TMEM132B: variants seen among roughly 807,000 people sequenced by gnomAD.
TMEM132B encodes transmembrane protein 132B.
A neutral mutation model predicts 90.8 loss-of-function variants in TMEM132B; 18 were observed. The observed-to-expected ratio is 0.20, with a 90% confidence interval of 0.14 to 0.29. The LOEUF (loss-of-function observed/expected upper bound fraction) is 0.29, where lower values mean the gene tolerates loss of function less well. Ranked by LOEUF, TMEM132B falls within the 10% of genes least tolerant of loss-of-function variation. The pLI is 1.00. For missense variants in TMEM132B, 1,096 were observed against 1,326.8 expected (o/e 0.83, Z 2.70); for synonymous variants, 504 against 523.3 (o/e 0.96, Z 0.50).
chr12:125,262,840 G>A (rs1405799761), intron 1 of TMEM132B, among the ~76,000 whole-genome samples: 1 of 152,180 alleles, frequency 6.6e-6, no homozygotes, highest in Non-Finnish European at 1.5e-5. Context: ...ATCCCTGCAG[G>A]CATTTGACTT....
chr12:125,207,176 C>G (rs979192210), intron 1 of TMEM132B, among the ~76,000 whole-genome samples: 3 of 152,214 alleles, frequency 2.0e-5, no homozygotes, highest in Non-Finnish European at 4.4e-5. Context: ...ATATGAAAAT[C>G]TGGATTTTTG....
chr12:125,491,117 C>T (rs1050919079), intron 3 of TMEM132B, among the ~76,000 whole-genome samples: 1 of 152,188 alleles, frequency 6.6e-6, no homozygotes, highest in South Asian at 2.1e-4. Flanking sequence ...GAGAACCTCT[C>T]GGTTAAGCTG....
chr12:125,520,959 A>G (rs1336024032), intron 4 of TMEM132B, among the ~76,000 whole-genome samples: 2 of 152,210 alleles, frequency 1.3e-5, no homozygotes, highest in African/African-American at 4.8e-5. Flanking sequence ...TTGTGGTTTG[A>G]AGGCAGCCAA....
intron 1 of TMEM132B, among the ~76,000 whole-genome samples, chr12:125,244,887 T>G (rs1166425458): frequency 6.6e-6 from 1 of 152,178 alleles, no homozygotes; most frequent in African/African-American, 2.4e-5. Context: ...GCCAGGGGCC[T>G]TTAGGTCACC....
At chr12:125,379,868 G>A (rs1344870614) in intron 2 of TMEM132B, among the ~76,000 whole-genome samples, 1 of 152,176 alleles carries the variant, frequency 6.6e-6, no homozygotes, top group African/African-American at 2.4e-5. Context: ...ACAGGTAGAG[G>A]TGTGTGGAAT....
intron 1 of TMEM132B, among the ~76,000 whole-genome samples, chr12:125,250,611 T>C (rs1320974379): frequency 6.6e-6 from 1 of 152,214 alleles, no homozygotes; most frequent in African/African-American, 2.4e-5. Context: ...CTTAGTGTGC[T>C]CCAAGAGGTG....
intron 4 of TMEM132B, among the ~76,000 whole-genome samples, chr12:125,526,171 T>C (rs1883453434): frequency 6.6e-6 from 1 of 152,160 alleles, no homozygotes; most frequent in South Asian, 2.1e-4. Context: ...GCCTCCTGCC[T>C]TGTGACACAG....
chr12:125,434,522 A>AGGGGGGGGGGGGGGG (rs1880642103), intron 3 of TMEM132B, among the ~76,000 whole-genome samples: 1 of 1,958 alleles, frequency 5.1e-4, no homozygotes. Context: ...AGAGGGTGGG[A>AGGGGGGGGGGGGGGG]GGGTGGGGGA....
intron 5 of TMEM132B, among the ~76,000 whole-genome samples, chr12:125,636,604 A>G (rs1178344591): frequency 6.6e-6 from 1 of 152,152 alleles, no homozygotes; most frequent in Non-Finnish European, 1.5e-5. Context: ...ATGTATTCTC[A>G]TCCCTCCCTC....
chr12:125,562,269 G>T (rs1462268797), intron 4 of TMEM132B, among the ~76,000 whole-genome samples: 4 of 152,180 alleles, frequency 2.6e-5, no homozygotes, highest in Non-Finnish European at 5.9e-5. Context: ...TTGGAATTAG[G>T]CTTTGGCTGA....
chr12:125,647,992 T>C (rs547710568), intron 6 of TMEM132B, among the ~76,000 whole-genome samples: 5 of 150,024 alleles, frequency 3.3e-5, no homozygotes, highest in African/African-American at 9.8e-5. Context: ...CATGCTGGTG[T>C]GCTGCACCCA....
At chr12:125,523,366 G>T (rs1248989111) in intron 4 of TMEM132B, among the ~76,000 whole-genome samples, 2 of 151,812 alleles carry the variant, frequency 1.3e-5, no homozygotes, top group African/African-American at 4.8e-5. Flanking sequence ...TGGCTCGTGG[G>T]TCCACGTGAC....
At chr12:125,388,249 G>GA (rs2136297265) in intron 2 of TMEM132B, among the ~76,000 whole-genome samples, 1 of 152,214 alleles carries the variant, frequency 6.6e-6, no homozygotes, top group South Asian at 2.1e-4. Context: ...CTGACATAGT[G>GA]AAACCCTATC....
At chr12:125,283,360 A>G (rs1875253510) in intron 1 of TMEM132B, among the ~76,000 whole-genome samples, 1 of 152,174 alleles carries the variant, frequency 6.6e-6, no homozygotes, top group South Asian at 2.1e-4. Flanking sequence ...AATATGTATT[A>G]TATTCCGGAA....
At chr12:125,278,918 C>T (rs1875080498) in intron 1 of TMEM132B, among the ~76,000 whole-genome samples, 1 of 152,132 alleles carries the variant, frequency 6.6e-6, no homozygotes, top group Admixed American at 6.5e-5. Context: ...ATAACTCTGC[C>T]CAGGTTGGAT....
chr12:125,598,603 A>T (rs1464175048), intron 5 of TMEM132B, among the ~76,000 whole-genome samples: 3 of 152,218 alleles, frequency 2.0e-5, no homozygotes, highest in South Asian at 4.1e-4. Context: ...AAACAAATCA[A>T]TATAGAAAAG....
intron 2 of TMEM132B, among the ~76,000 whole-genome samples, chr12:125,396,977 CT>C (rs538463146): frequency 7.2e-4 from 103 of 144,046 alleles, no homozygotes; most frequent in Middle Eastern, 3.7e-3. Context: ...CTTCACTATT[CT>C]TTTTTTTTTT....
At chr12:125,353,572 A>G (rs761138344) in intron 2 of TMEM132B, among the ~76,000 whole-genome samples, 2 of 152,198 alleles carry the variant, frequency 1.3e-5, no homozygotes, top group Non-Finnish European at 2.9e-5. Context: ...TAACTGATTA[A>G]ACTCTGTCAA....
At chr12:125,390,677 C>T (rs903667760) in intron 2 of TMEM132B, among the ~76,000 whole-genome samples, 3 of 152,170 alleles carry the variant, frequency 2.0e-5, no homozygotes, top group South Asian at 4.1e-4. Flanking sequence ...GTTGAGGATG[C>T]TCAAGTAGCA....
Sources: gnomAD v4.1 joint callset for allele counts (sites outside exome capture counted in the v4.1 genomes callset) on GRCh38, gnomAD v4.1.1 for gene constraint, MANE v1.5 for transcripts, NCBI Gene and HGNC (gene_info 2026-07-23, HGNC 2026-07-21) for gene names.